The following TIMP1 variants were observed in gnomAD, a reference collection of about 807,000 sequenced individuals.
TIMP1 encodes TIMP metallopeptidase inhibitor 1, also known as metalloproteinase inhibitor 1.
Under a neutral mutation model 13.7 loss-of-function variants are expected in TIMP1, and 5 were observed. The observed-to-expected ratio is 0.36, with a 90% CI of 0.19 to 0.76. TIMP1 has a LOEUF of 0.76. Ranked by LOEUF, TIMP1 falls within the 30% of genes least tolerant of loss-of-function variation. TIMP1 has a pLI of 0.51. For missense variants in TIMP1, 131 were observed against 168.4 expected, an observed-to-expected ratio of 0.78 and a Z score of 1.23; for synonymous variants, 63 against 67.1, an observed-to-expected ratio of 0.94 and a Z score of 0.30.
chrX:47,586,785 C>A lies in TIMP1; in HGVS notation c.*94C>A. On this transcript the variant is annotated 3_prime_UTR_variant, in exon 6 of 6. Coordinates refer to ENST00000218388, the MANE Select transcript of TIMP1 (RefSeq NM_003254.3). The stretch of plus-strand genomic sequence containing the variant: ...GACAATGAAATAAAGAGTTACCACC[C>A]AGCAGACACTGTTTCTGTGTAGTGC... 9.5e-7 allele frequency: 1 copy of A among 1,057,177 alleles called. No homozygotes were observed. The highest frequency in any genetic ancestry group is 1.3e-6 in the Non-Finnish European group (1 of 790,577). 87.1% of individuals were successfully genotyped at this position (1,057,177 alleles called of 1,213,427 possible).
Position 47,583,454 on chromosome X carries a change from G to A in TIMP1, c.39G>A (p.Leu13=). 1 of 1,207,677 alleles carries A rather than the reference G, an allele frequency of 8.3e-7. No individual in the cohort carries two copies. The highest frequency in any genetic ancestry group is 2.3e-4 in the Middle Eastern group (1 of 4,345). The change falls in exon 2 of 6, where the codon TTG becomes TTA. Residue 13 remains leucine, a synonymous_variant. Transcript: ENST00000218388. The part of the protein sequence containing the change: ...PFEPLASGIL[L]LLWLIAPSRA... ...AGCCCCTGGCTTCTGGCATCCTGTT[G>A]TTGCTGTGGCTGATAGCCCCCAGCA...
At position 47,582,445 on chromosome X, in the gene TIMP1, G is replaced by T. The variant is rs1208997287; in HGVS notation, c.-38G>T. The T allele has an allele frequency of 4.0e-6, 1 of 250,214 alleles. No individual in the cohort carries two copies. Among genetic ancestry groups the T allele is most frequent in the Non-Finnish European group, 8.0e-6 (1 of 124,884 alleles). 20.6% of individuals were successfully genotyped at this position (250,214 alleles called of 1,213,427 possible). On this transcript the variant is annotated 5_prime_UTR_variant, in exon 1 of 6. Transcript: ENST00000218388. ...GCGCTCAGGCCCTGCCGCCATCGCC[G>T]CAGATCCAGCGCCCAGAGAGACACC...
chrX:47,585,707 C>T, intron 5 of TIMP1, 40 bp downstream of exon 5: 1 of 1,204,445 alleles, frequency 8.3e-7, no homozygotes, highest in Non-Finnish European at 1.1e-6. Flanking sequence ...GAGATCCTTC[C>T]CGGGGCCATT....
Position 47,583,414 on chromosome X carries a change from C to T in TIMP1, c.-2C>T. ...ACATCCCCCTTCCCCACAGAACCCA[C>T]CATGGCCCCCTTTGAGCCCCTGGCT... On this transcript the variant is annotated 5_prime_UTR_variant, in exon 2 of 6. Coordinates refer to ENST00000218388, the MANE Select transcript of TIMP1 (RefSeq NM_003254.3). 2 of 1,201,022 alleles carry T rather than the reference C, an allele frequency of 1.7e-6. No individual in the cohort carries two copies. Among genetic ancestry groups the T allele is most frequent in the South Asian group, 3.6e-5 (2 of 55,378 alleles).
Position 47,583,635 on chromosome X carries a change from G to A in TIMP1, c.121+99G>A, listed in dbSNP as rs763663902. Reference sequence around the variant, plus strand: ...ACTTACCTCTAGAATGATTCCACTCGCCCCTGCACTTCCTCTGCTTTAGCC... The same window carrying A: ...ACTTACCTCTAGAATGATTCCACTCACCCCTGCACTTCCTCTGCTTTAGCC... On this transcript the variant is annotated intron_variant, in intron 2 of 5. Coordinates refer to ENST00000218388, the MANE Select transcript of TIMP1 (RefSeq NM_003254.3). 4.2e-4 allele frequency: 398 copies of A among 954,758 alleles called. 1 individual carries two copies. The highest frequency in any genetic ancestry group is 1.8e-3 in the Admixed American group (57 of 31,156). The allele number at this position is 954,758 out of a possible 1,213,427, so 78.7% of individuals were successfully genotyped here.
chrX:47,586,483 G>A, intron 5 of TIMP1, 38 bp from the exon 6 acceptor site: 2 of 1,199,007 alleles, frequency 1.7e-6, no homozygotes, highest in Non-Finnish European at 2.3e-6. Context: ...GGGGAGGCAG[G>A]GAGAAGCCCT....
rs949790339 is a variant in TIMP1, at chrX:47,586,758, C to T, written c.*67C>T. 9 of 1,137,870 alleles carry T rather than the reference C, an allele frequency of 7.9e-6. No homozygotes were observed. Among genetic ancestry groups the T allele is most frequent in the Admixed American group, 4.7e-5 (2 of 42,763 alleles). The allele number at this position is 1,137,870 out of a possible 1,213,427, so 93.8% of individuals were successfully genotyped here. ...CCTGTTCCCACTCCCATCTTTCTTC[C>T]GGACAATGAAATAAAGAGTTACCAC... On this transcript the variant is annotated 3_prime_UTR_variant, in exon 6 of 6. Coordinates refer to ENST00000218388, the MANE Select transcript of TIMP1 (RefSeq NM_003254.3).
In TIMP1 at chrX:47,584,993, G is replaced by A. The variant is rs762640736; in HGVS notation, c.179G>A (p.Arg60His). Residue 60 changes from arginine (R) to histidine (H), a missense_variant, in exon 3 of 6, where the codon CGT becomes CAT. Arg to His is a conservative substitution (Grantham distance 29). Coordinates refer to ENST00000218388, the MANE Select transcript of TIMP1 (RefSeq NM_003254.3). Reference protein sequence around the residue: ...PEVNQTTLYQRYEIKMTKMYK... With the variant: ...PEVNQTTLYQHYEIKMTKMYK... ...GTCAACCAGACCACCTTATACCAGC[G>A]TTATGAGATCAAGATGACCAAGGTA... 4.1e-6 allele frequency: 5 copies of A among 1,208,956 alleles called. No homozygotes were observed. In the South Asian group the frequency reaches 7.1e-5, roughly 17 times the overall value.
At chrX:47,586,118 C>G (rs1428828545) in intron 5 of TIMP1, 61 of 938,143 alleles carry the variant, frequency 6.5e-5, no homozygotes, top group African/African-American at 8.2e-5. Context: ...TAGTCCAAGC[C>G]TGTTCCCTGA....
At chrX:47,585,362 A>G (rs1329861512) in intron 4 of TIMP1, 31 bp downstream of exon 4, 10 of 1,208,146 alleles carry the variant, frequency 8.3e-6, no homozygotes, top group Non-Finnish European at 1.0e-5. Context: ...CCTGTGCCAC[A>G]CCAACCAGTC....
At chrX:47,583,029 C>A (rs2057806050) in intron 1 of TIMP1, among the ~76,000 whole-genome samples, 1 of 94,415 alleles carries the variant, frequency 1.1e-5, no homozygotes, top group African/African-American at 4.0e-5. Context: ...ATATACACAA[C>A]CCCTAAACTC....
chrX:47,584,109 G>C (rs995065295), intron 2 of TIMP1, among the ~76,000 whole-genome samples: 1 of 111,448 alleles, frequency 9.0e-6, no homozygotes, highest in Non-Finnish European at 1.9e-5. Context: ...CTAAACCGAC[G>C]TAACAGGATT....
chrX:47,585,799 T>C, intron 5 of TIMP1, 132 bp downstream of exon 5: 1 of 1,156,015 alleles, frequency 8.7e-7, no homozygotes, highest in Non-Finnish European at 1.1e-6. Flanking sequence ...GGGCTGTCCC[T>C]GATCTCTCTT....
intron 4 of TIMP1, 32 bp downstream of exon 4, chrX:47,585,363 C>T: frequency 2.5e-6 from 3 of 1,209,711 alleles, no homozygotes; most frequent in Non-Finnish European, 2.2e-6. Flanking sequence ...CTGTGCCACA[C>T]CAACCAGTCC....
At chrX:47,586,036 C>T (rs2057824623) in intron 5 of TIMP1, 1 of 977,234 alleles carries the variant, frequency 1.0e-6, no homozygotes. Context: ...GACCCTTCCT[C>T]AGCACATCTG....
At chrX:47,582,708 C>A in intron 1 of TIMP1, 1 of 238,297 alleles carries the variant, frequency 4.2e-6, no homozygotes, top group Non-Finnish European at 8.3e-6. Flanking sequence ...TCCCCCAAAC[C>A]CATGACCCCC....
chrX:47,584,870 G>A (rs1483413529), intron 2 of TIMP1, 66 bp from the exon 3 acceptor site: 1 of 950,521 alleles, frequency 1.1e-6, no homozygotes, highest in African/African-American at 1.9e-5. Context: ...TGATGATGAT[G>A]ATGATGATCT....
chrX:47,582,491 G>T lies in TIMP1; in HGVS notation c.-9+17G>T, dbSNP rs1399269946. On this transcript the variant is annotated intron_variant, in intron 1 of 5. Transcript: ENST00000218388. ...ACACCAGAGGTAAGCAGGGCCCGGGGTGGCCCAGCAGGGACCGGAGCTGGG... is the reference window on the plus strand; with the variant it reads ...ACACCAGAGGTAAGCAGGGCCCGGGTTGGCCCAGCAGGGACCGGAGCTGGG... The T allele has an allele frequency of 1.3e-5, 4 of 298,252 alleles. No homozygotes were observed. Among genetic ancestry groups the T allele is most frequent in the Admixed American group, 3.9e-5 (1 of 25,885 alleles). 24.6% of individuals were successfully genotyped at this position (298,252 alleles called of 1,213,427 possible). A position where few individuals can be genotyped will look rare whatever the true frequency, so the allele number is the denominator to read the frequency against.
chrX:47,582,876 A>C, intron 1 of TIMP1, among the ~76,000 whole-genome samples: 1 of 76,299 alleles, frequency 1.3e-5, no homozygotes, highest in African/African-American at 5.5e-5. Flanking sequence ...TTTTGCCCTC[A>C]AATTCCTCAA....
Sources: allele counts gnomAD v4.1 joint callset (sites outside exome capture counted in the v4.1 genomes callset), GRCh38; gene constraint gnomAD v4.1.1; transcripts MANE v1.5; gene names NCBI Gene and HGNC (gene_info 2026-07-23, HGNC 2026-07-21).